Variants in METTL25 observed in about 807,000 individuals in gnomAD.
The protein encoded by METTL25 is probable methyltransferase-like protein 25.
METTL25 carries 64 observed loss-of-function variants against 71.6 expected under a neutral mutation model. That is an observed-to-expected ratio of 0.89 (90% CI 0.73 to 1.10). The LOEUF (loss-of-function observed/expected upper bound fraction) is 1.10, where lower values mean the gene tolerates loss of function less well. Ranked by LOEUF, METTL25 falls within the 50% of genes least tolerant of loss-of-function variation. The pLI, the probability that METTL25 is intolerant of heterozygous loss-of-function variation, is 0.00. For missense variants in METTL25, 807 were observed against 707.0 expected, an observed-to-expected ratio of 1.14 and a Z score of -1.60; for synonymous variants, 287 against 250.3, an observed-to-expected ratio of 1.15 and a Z score of -1.38.
intron 5 of METTL25, among the ~76,000 whole-genome samples, chr12:82,403,673 G>T (rs897722009): frequency 6.6e-6 from 1 of 152,306 alleles, no homozygotes; most frequent in South Asian, 2.1e-4. Context: ...CTTAGAAGGT[G>T]CTGATGAGCA....
intron 9 of METTL25, chr12:82,476,262 A>T (rs1389409307): frequency 1.2e-5 from 2 of 163,978 alleles, no homozygotes; most frequent in African/African-American, 4.8e-5. Flanking sequence ...TTGCCTTTGA[A>T]TTTTGCTCAA....
chr12:82,465,416 G>A (rs767898189), intron 9 of METTL25, among the ~76,000 whole-genome samples: 15 of 151,940 alleles, frequency 9.9e-5, no homozygotes, highest in Non-Finnish European at 2.1e-4. Flanking sequence ...ATTGCTTTGT[G>A]TATGTTGAAG....
intron 9 of METTL25, among the ~76,000 whole-genome samples, chr12:82,467,303 T>C (rs546190142): frequency 1.3e-5 from 2 of 152,244 alleles, no homozygotes; most frequent in East Asian, 3.9e-4. Context: ...ATTTTTATGA[T>C]TGGGTGGTTT....
Position 82,399,138 on chromosome 12 carries a change from A to G in METTL25, c.875A>G (p.Gln292Arg). The change falls in exon 4 of 12, where the codon CAA becomes CGA. Residue 292 changes from glutamine (Q) to arginine (R), a missense_variant. By Grantham distance (43) the Gln-to-Arg change is conservative. Transcript: ENST00000248306. ...TCTGTAATTTCTAATATCAGAAACC[A>G]AATGGAAACCCTTCATTCTCAGCCA... ...SGSVISNIRN[Q>R]METLHSQPHQ... 1 of 1,613,848 alleles carries G rather than the reference A, an allele frequency of 6.2e-7. No homozygotes were observed. Among genetic ancestry groups the G allele is most frequent in the Non-Finnish European group, 8.5e-7 (1 of 1,179,876 alleles).
chr12:82,429,551 C>T (rs1351971909), intron 5 of METTL25, among the ~76,000 whole-genome samples: 3 of 151,474 alleles, frequency 2.0e-5, no homozygotes, highest in Non-Finnish European at 4.4e-5. Flanking sequence ...TGATTATTTT[C>T]CTTTGGATAA....
At chr12:82,392,899 T>C (rs1885727145) in intron 3 of METTL25, among the ~76,000 whole-genome samples, 1 of 152,082 alleles carries the variant, frequency 6.6e-6, no homozygotes, top group Non-Finnish European at 1.5e-5. Flanking sequence ...CTTACCCTAA[T>C]GCATCTTCTT....
chr12:82,398,726 A>G (rs1565827926), intron 3 of METTL25, 69 bp from the exon 4 acceptor site: 1 of 1,118,960 alleles, frequency 8.9e-7, no homozygotes, highest in African/African-American at 1.6e-5. Flanking sequence ...TTTACTTCAA[A>G]AAATCTAGAA....
chr12:82,419,918 TATGACAGC>T (rs1259040510), intron 5 of METTL25, among the ~76,000 whole-genome samples: 8 of 152,196 alleles, frequency 5.3e-5, no homozygotes, highest in Admixed American at 4.6e-4. Flanking sequence ...CTCCTGTATT[TATGACAGC>T]ATTATTCACA....
chr12:82,417,251 C>T (rs992242382), intron 5 of METTL25, among the ~76,000 whole-genome samples: 3 of 152,058 alleles, frequency 2.0e-5, no homozygotes, highest in African/African-American at 7.2e-5. Context: ...TGCCTATCAA[C>T]CTAAATTTTA....
Position 82,410,510 on chromosome 12 carries a change from G to A in METTL25, c.1279+7380G>A, listed in dbSNP as rs528419099. ...TCAAAACAGCATGAATTTGACTTCC[G>A]TTTCCAGCAGTGTGAGAGATGAGAT... On this transcript the variant is annotated intron_variant, in intron 5 of 11. Coordinates refer to ENST00000248306, the MANE Select transcript of METTL25 (RefSeq NM_032230.3). Among the ~76,000 whole-genome samples, 9 of 152,170 alleles carry A rather than the reference G, an allele frequency of 5.9e-5. No individual in the cohort carries two copies. The East Asian group carries it at 1.4e-3, about 23-fold the overall frequency.
intron 9 of METTL25, among the ~76,000 whole-genome samples, chr12:82,474,934 G>A (rs1298258872): frequency 2.0e-5 from 3 of 152,240 alleles, no homozygotes; most frequent in East Asian, 3.9e-4. Flanking sequence ...AAGATGCCAA[G>A]AGGAAATGCC....
At chr12:82,359,342 G>A (rs751368097) in intron 1 of METTL25, among the ~76,000 whole-genome samples, 1 of 152,160 alleles carries the variant, frequency 6.6e-6, no homozygotes, top group African/African-American at 2.4e-5. Flanking sequence ...GGTGGGAACC[G>A]CAGGCTAGGC....
intron 1 of METTL25, among the ~76,000 whole-genome samples, chr12:82,360,859 C>T (rs1026312369): frequency 6.6e-6 from 1 of 152,112 alleles, no homozygotes; most frequent in African/African-American, 2.4e-5. Context: ...GAGTTTGTTC[C>T]TTCTGATGTT....
chr12:82,430,672 A>T (rs1234938921), intron 5 of METTL25, among the ~76,000 whole-genome samples: 2 of 151,640 alleles, frequency 1.3e-5, no homozygotes, highest in African/African-American at 4.8e-5. Flanking sequence ...CCAGACTTGG[A>T]ATTTAAACAC....
chr12:82,358,632 C>T lies in METTL25; in HGVS notation c.67C>T (p.Leu23=). 6.2e-7 allele frequency: 1 copy of T among 1,614,086 alleles called. No individual in the cohort carries two copies. The highest frequency in any genetic ancestry group is 8.5e-7 in the Non-Finnish European group (1 of 1,180,040). Reference sequence around the variant, plus strand: ...CACGCTGCGTGCCAAGTTGCAGGGACTGCTGCAGTTCCTGAGGGATGCCCT... The same window carrying T: ...CACGCTGCGTGCCAAGTTGCAGGGATTGCTGCAGTTCCTGAGGGATGCCCT... ...LPTLRAKLQG[L]LQFLRDALSI... is the part of the protein sequence containing the mutation. Residue 23 remains leucine, a synonymous_variant, in exon 1 of 12, where the codon CTG becomes TTG. Transcript: ENST00000248306.
intron 5 of METTL25, among the ~76,000 whole-genome samples, chr12:82,404,975 A>G (rs548806209): frequency 1.3e-5 from 2 of 151,758 alleles, no homozygotes; most frequent in East Asian, 3.9e-4. Flanking sequence ...TAGAGTCACT[A>G]TCCTTACACT....
intron 8 of METTL25, chr12:82,439,770 C>A: frequency 1.9e-6 from 1 of 531,880 alleles, no homozygotes; most frequent in Non-Finnish European, 2.4e-6. Flanking sequence ...CCCTAAGATG[C>A]TAACCTTGTT....
At chr12:82,407,186 T>C (rs1310817988) in intron 5 of METTL25, among the ~76,000 whole-genome samples, 1 of 152,198 alleles carries the variant, frequency 6.6e-6, no homozygotes, top group Non-Finnish European at 1.5e-5. Flanking sequence ...AAAATCATTT[T>C]TGAGTCTTCT....
chr12:82,390,251 T>G (rs1885446510), intron 3 of METTL25, among the ~76,000 whole-genome samples: 2 of 152,168 alleles, frequency 1.3e-5, no homozygotes, highest in South Asian at 2.1e-4. Context: ...GAGGATGACA[T>G]TCTGCAAAAC....
Sources: gnomAD v4.1 joint callset for allele counts (sites outside exome capture counted in the v4.1 genomes callset) on GRCh38, gnomAD v4.1.1 for gene constraint, MANE v1.5 for transcripts, NCBI Gene and HGNC (gene_info 2026-07-23, HGNC 2026-07-21) for gene names.